The following DIP2C variants were observed in gnomAD, a reference collection of about 807,000 sequenced individuals.
DIP2C encodes disco-interacting protein 2 homolog C.
DIP2C carries 33 observed loss-of-function variants against 192.4 expected under a neutral mutation model. That is an observed-to-expected ratio of 0.17 (90% CI 0.13 to 0.23). The LOEUF (loss-of-function observed/expected upper bound fraction) is 0.23, where lower values mean the gene tolerates loss of function less well. Ranked by LOEUF, DIP2C falls within the 10% of genes least tolerant of loss-of-function variation. The pLI, the probability that DIP2C is intolerant of heterozygous loss-of-function variation, is 1.00. For missense variants in DIP2C, 1,537 were observed against 2,110.1 expected, an observed-to-expected ratio of 0.73 and a Z score of 5.32; for synonymous variants, 979 against 864.1, an observed-to-expected ratio of 1.13 and a Z score of -2.33.
At chr10:545,507 T>C (rs1354081974) in intron 1 of DIP2C, among the ~76,000 whole-genome samples, 2 of 152,158 alleles carry the variant, frequency 1.3e-5, no homozygotes, top group Admixed American at 1.3e-4. Flanking sequence ...TCCTCAGTGC[T>C]GCACACACAT....
intron 2 of DIP2C, among the ~76,000 whole-genome samples, chr10:475,187 G>C (rs1970962759): frequency 6.6e-6 from 1 of 152,168 alleles, no homozygotes; most frequent in African/African-American, 2.4e-5. Flanking sequence ...AGGAAAAGCG[G>C]CCGCCTGCTT....
chr10:537,578 G>A (rs868192773), intron 1 of DIP2C, among the ~76,000 whole-genome samples: 7 of 110,474 alleles, frequency 6.3e-5, no homozygotes, highest in South Asian at 5.9e-4. Flanking sequence ...CCCCTCCCCC[G>A]CACACTTGTG....
intron 17 of DIP2C, chr10:369,899 C>T (rs1960756899): frequency 4.4e-6 from 6 of 1,359,360 alleles, no homozygotes; most frequent in Non-Finnish European, 5.7e-6. Context: ...CTCTCCTGCC[C>T]CCTCTATGCA....
At position 275,607 on chromosome 10, in the gene DIP2C, T is replaced by A. The variant is rs141384399; in HGVS notation, c.*1718A>T. The A allele has an allele frequency of 9.8e-4, 149 of 151,560 alleles. No homozygotes were observed. The highest frequency in any genetic ancestry group is 3.5e-3 in the African/African-American group (145 of 41,306). The allele number at this position is 151,560 out of a possible 1,614,324, so 9.4% of individuals were successfully genotyped here. A position where few individuals can be genotyped will look rare whatever the true frequency, so the allele number is the denominator to read the frequency against. On this transcript the variant is annotated 3_prime_UTR_variant, in exon 37 of 37. Coordinates refer to ENST00000280886, the MANE Select transcript of DIP2C (RefSeq NM_014974.3). The stretch of plus-strand genomic sequence containing the variant: ...ACGCTGCCCACAACATAATGAAAGA[T>A]CATCTACATTTTGCCCAGCATCAAT...
rs1035129485 is a variant in DIP2C at position 463,907 on chromosome 10, T to A, written c.268+8532A>T. On this transcript the variant is annotated intron_variant, in intron 3 of 36. Transcript: ENST00000280886. ...CAAGCAATGGGGAAATTATTCCCTA[T>A]TTAATAAATGGTGTTGGGGAAACAG... Among the ~76,000 whole-genome samples the A allele has an allele frequency of 5.3e-5, 8 of 152,320 alleles. No individual in the cohort carries two copies. In the East Asian group the frequency reaches 1.5e-3, roughly 29 times the overall value.
intron 17 of DIP2C, 149 bp from the exon 18 acceptor site, chr10:369,782 T>C (rs1960742787): frequency 1.4e-6 from 2 of 1,411,578 alleles, no homozygotes; most frequent in Admixed American, 3.7e-5. Context: ...TGTGGCTGCA[T>C]TAGGGGATGC....
chr10:494,878 T>C (rs1844701897), intron 1 of DIP2C, among the ~76,000 whole-genome samples: 2 of 152,222 alleles, frequency 1.3e-5, no homozygotes, highest in Non-Finnish European at 2.9e-5. Context: ...CAATCCCATG[T>C]CTGGGTAAAT....
chr10:561,264 T>TAC lies in DIP2C; in HGVS notation c.86-74736_86-74735dup, dbSNP rs1398347865. On this transcript the variant is annotated intron_variant, in intron 1 of 36. Coordinates refer to ENST00000280886, the MANE Select transcript of DIP2C (RefSeq NM_014974.3). Reference sequence around the variant, plus strand: ...AGTTTGATTCTCTTTGCTGACATGGTACCTTTCATGTGTATTTATTTTGGG... The same window carrying TAC: ...AGTTTGATTCTCTTTGCTGACATGGTACACCTTTCATGTGTATTTATTTTGGG... Among the ~76,000 whole-genome samples the TAC allele has an allele frequency of 5.9e-5, 9 of 152,298 alleles. No homozygotes were observed. The South Asian group carries it at 1.5e-3, about 25-fold the overall frequency.
chr10:317,039 G>T lies in DIP2C; in HGVS notation c.3925-6947C>A, dbSNP rs563073927. Among the ~76,000 whole-genome samples the T allele has an allele frequency of 3.3e-5, 5 of 152,280 alleles. No homozygotes were observed. In the South Asian group the frequency reaches 1.0e-3, roughly 32 times the overall value. On this transcript the variant is annotated intron_variant, in intron 31 of 36. Coordinates refer to ENST00000280886, the MANE Select transcript of DIP2C (RefSeq NM_014974.3). The stretch of plus-strand genomic sequence containing the variant: ...GTTATGGTTGGAACAAGAGTCTCTT[G>T]TGACTTCTACATCTCAATAAAAAAT...
chr10:453,419 C>A (rs983317916), intron 3 of DIP2C, among the ~76,000 whole-genome samples: 4 of 152,186 alleles, frequency 2.6e-5, no homozygotes, highest in Non-Finnish European at 4.4e-5. Flanking sequence ...GCTGGACATA[C>A]AGTGTCAAAG....
Position 369,559 on chromosome 10 carries a change from C to A in DIP2C, c.2066G>T (p.Arg689Leu), listed in dbSNP as rs1320991383. The A allele has an allele frequency of 6.2e-7, 1 of 1,601,106 alleles. No homozygotes were observed. The highest frequency in any genetic ancestry group is 8.5e-7 in the Non-Finnish European group (1 of 1,172,288). Residue 689 changes from arginine to leucine, a missense_variant, in exon 18 of 37, where the codon CGT (arginine) becomes CTT (leucine). This residue lies in a region of DIP2C where 677 missense variants were observed against 989.9 expected (regional missense o/e 0.68). Coordinates refer to ENST00000280886, the MANE Select transcript of DIP2C (RefSeq NM_014974.3). ...SMHGLTYGVI[R>L]VDSEEKLSVL... ...GGACAGCTTCTCTTCCGAGTCCACA[C>A]GAATGACCCCATAGGTCAGTCCATG...
chr10:553,222 G>A (rs1426541102), intron 1 of DIP2C, among the ~76,000 whole-genome samples: 1 of 152,186 alleles, frequency 6.6e-6, no homozygotes, highest in Non-Finnish European at 1.5e-5. Context: ...CCCTGCACCT[G>A]GCTTGCTGTG....
intron 1 of DIP2C, among the ~76,000 whole-genome samples, chr10:498,832 A>C (rs1845034259): frequency 6.6e-6 from 1 of 152,204 alleles, no homozygotes; most frequent in South Asian, 2.1e-4. Flanking sequence ...GGGCGAATTA[A>C]GGAGGCAATG....
Position 473,134 on chromosome 10 carries a change from G to A in DIP2C, c.158-585C>T, listed in dbSNP as rs1426597562. Among the ~76,000 whole-genome samples, 3 of 152,080 alleles carry A rather than the reference G, an allele frequency of 2.0e-5. No individual in the cohort carries two copies. In the East Asian group the frequency reaches 5.8e-4, roughly 29 times the overall value. The stretch of plus-strand genomic sequence containing the variant: ...GTTCGACTATGAATCACAATTACTT[G>A]GTGAATAACAAAAAACATTAATGCG... On this transcript the variant is annotated intron_variant, in intron 2 of 36. Transcript: ENST00000280886.
chr10:426,749 G>A (rs931890574), intron 4 of DIP2C, among the ~76,000 whole-genome samples: 1 of 152,150 alleles, frequency 6.6e-6, no homozygotes, highest in Non-Finnish European at 1.5e-5. Flanking sequence ...TTCAGTAAGA[G>A]AAAGGTAGTA....
At chr10:385,760 C>T (rs965732823) in intron 14 of DIP2C, among the ~76,000 whole-genome samples, 4 of 152,104 alleles carry the variant, frequency 2.6e-5, no homozygotes, top group Non-Finnish European at 4.4e-5. Context: ...GGCTGTGTGG[C>T]GGGCTAGGAT....
rs1194625176 is a variant in DIP2C, at chr10:277,108, A to G, written c.*217T>C. On this transcript the variant is annotated 3_prime_UTR_variant, in exon 37 of 37. Transcript: ENST00000280886. Reference sequence around the variant, plus strand: ...TCCAACAAACTGAAGGCAGTAATCCAAAGTCCTTCTGAGCGAAATTCAGTG... The same window carrying G: ...TCCAACAAACTGAAGGCAGTAATCCGAAGTCCTTCTGAGCGAAATTCAGTG... 3 of 579,958 alleles carry G rather than the reference A, an allele frequency of 5.2e-6. No homozygotes were observed. The highest frequency in any genetic ancestry group is 8.3e-6 in the Non-Finnish European group (3 of 359,972). 35.9% of individuals were successfully genotyped at this position (579,958 alleles called of 1,614,324 possible). A position where few individuals can be genotyped will look rare whatever the true frequency, so the allele number is the denominator to read the frequency against.
At chr10:325,413 G>A (rs1010769331) in intron 31 of DIP2C, among the ~76,000 whole-genome samples, 6 of 152,204 alleles carry the variant, frequency 3.9e-5, no homozygotes, top group Non-Finnish European at 7.3e-5. Flanking sequence ...GGCACGATGC[G>A]ACGGGTTACT....
At chr10:570,117 G>C (rs1047052804) in intron 1 of DIP2C, among the ~76,000 whole-genome samples, 1 of 152,174 alleles carries the variant, frequency 6.6e-6, no homozygotes, top group African/African-American at 2.4e-5. Flanking sequence ...GATAGTCATA[G>C]CACTGCACAA....
Sources: gnomAD v4.1 joint callset for allele counts (sites outside exome capture counted in the v4.1 genomes callset) on GRCh38, gnomAD v4.1.1 for gene constraint, gnomAD v4.1.1 regional missense constraint, MANE v1.5 for transcripts, NCBI Gene and HGNC (gene_info 2026-07-23, HGNC 2026-07-21) for gene names.